The following KCNMB2 variants were observed in gnomAD, a reference collection of about 807,000 sequenced individuals.
KCNMB2 encodes potassium calcium-activated channel subfamily M regulatory beta subunit 2.
A neutral mutation model predicts 24.5 loss-of-function variants in KCNMB2; 9 were observed. That is an observed-to-expected ratio of 0.37 (90% confidence interval 0.22 to 0.64). The LOEUF is 0.64. KCNMB2 is among the 30% of genes least tolerant of loss of function. The pLI is 0.63. For synonymous variants in KCNMB2, 109 were observed against 104.4 expected (o/e 1.04, Z -0.27); for missense variants, 226 against 284.3 (o/e 0.79, Z 1.47).
chr3:178,729,943 G>T (rs565252276), intron 1 of KCNMB2, among the ~76,000 whole-genome samples: 6 of 152,208 alleles, frequency 3.9e-5, no homozygotes, highest in South Asian at 2.1e-4. Context: ...GTTGACAAAA[G>T]GCTCTCTTCA....
chr3:178,815,780 CATT>C (rs1229237565), intron 2 of KCNMB2, among the ~76,000 whole-genome samples: 2 of 151,880 alleles, frequency 1.3e-5, no homozygotes, highest in Admixed American at 1.3e-4. Flanking sequence ...ACATTTATTA[CATT>C]ATTATATGAT....
In KCNMB2 at chr3:178,632,838, A is replaced by G. The variant is rs146113859; in HGVS notation, c.-68+96127A>G. Among the ~76,000 whole-genome samples the G allele has an allele frequency of 3.9e-5, 6 of 152,324 alleles. No individual in the cohort carries two copies. In the East Asian group the frequency reaches 9.6e-4, roughly 24 times the overall value. On this transcript the variant is annotated intron_variant, in intron 1 of 4. Transcript: ENST00000452583. ...GAGACAAGGCAAGTCCCTTCTGCCT[A>G]TGAGCCTGTAAAATCAAAAGCAAGT...
intron 1 of KCNMB2, among the ~76,000 whole-genome samples, chr3:178,792,468 C>G (rs143459761): frequency 6.6e-6 from 1 of 151,950 alleles, no homozygotes; most frequent in Non-Finnish European, 1.5e-5. Context: ...AAAAAAATTA[C>G]CTTCACAAAA....
chr3:178,694,674 G>T (rs1028308593), intron 1 of KCNMB2, among the ~76,000 whole-genome samples: 1 of 152,230 alleles, frequency 6.6e-6, no homozygotes. Flanking sequence ...TAACCTTAAA[G>T]TTCCAAAATG....
intron 2 of KCNMB2, among the ~76,000 whole-genome samples, chr3:178,823,754 C>T (rs1209298508): frequency 6.6e-6 from 1 of 152,282 alleles, no homozygotes; most frequent in East Asian, 1.9e-4. Context: ...TGAATAAACA[C>T]ACAACTGCGC....
At chr3:178,748,826 A>G (rs1391965110) in intron 1 of KCNMB2, among the ~76,000 whole-genome samples, 1 of 152,208 alleles carries the variant, frequency 6.6e-6, no homozygotes, top group Admixed American at 6.5e-5. Context: ...TTGGTGACCT[A>G]TGTCCACTAT....
At chr3:178,731,625 CG>C (rs1336381199) in intron 1 of KCNMB2, among the ~76,000 whole-genome samples, 1 of 152,114 alleles carries the variant, frequency 6.6e-6, no homozygotes, top group Non-Finnish European at 1.5e-5. Flanking sequence ...AAAACCTAGC[CG>C]GGCACAGTGG....
rs1330410478 is a variant in KCNMB2 at position 178,758,162 on chromosome 3, G to T, written c.-67-49181G>T. Reference sequence around the variant, plus strand: ...AGGATATATATATATATATATCCAAGAGGATATATATATATATATCCAAGG... The same window carrying T: ...AGGATATATATATATATATATCCAATAGGATATATATATATATATCCAAGG... On this transcript the variant is annotated intron_variant, in intron 1 of 4. Transcript: ENST00000452583. 9.3e-4 allele frequency among the ~76,000 whole-genome samples: 45 copies of T among 48,402 alleles called. 3 individuals carry two copies. Among genetic ancestry groups the T allele is most frequent in the African/African-American group, 3.4e-3 (43 of 12,478 alleles). 31.8% of individuals were successfully genotyped at this position (48,402 alleles called of 152,430 possible).
At chr3:178,620,669 G>A (rs1053558958) in intron 1 of KCNMB2, among the ~76,000 whole-genome samples, 2 of 152,088 alleles carry the variant, frequency 1.3e-5, no homozygotes, top group African/African-American at 2.4e-5. Context: ...CATTTTACAC[G>A]TTAGGATTTC....
At chr3:178,614,293 ATATGTATG>A (rs1206572047) in intron 1 of KCNMB2, among the ~76,000 whole-genome samples, 10 of 85,936 alleles carry the variant, frequency 1.2e-4, no homozygotes, top group Non-Finnish European at 1.9e-4. Flanking sequence ...ATATATATAT[ATATGTATG>A]TATATATATG....
intron 1 of KCNMB2, among the ~76,000 whole-genome samples, chr3:178,730,404 C>CA (rs1723107523): frequency 1.1e-5 from 1 of 92,716 alleles, no homozygotes; most frequent in Non-Finnish European, 2.2e-5. Flanking sequence ...TGTCCCCCAA[C>CA]ACCCCCCCAC....
At chr3:178,802,807 A>C (rs1392952879) in intron 1 of KCNMB2, among the ~76,000 whole-genome samples, 1 of 152,014 alleles carries the variant, frequency 6.6e-6, no homozygotes, top group Non-Finnish European at 1.5e-5. Context: ...GCTAATGAGA[A>C]AGTACTTCAG....
At chr3:178,778,483 CA>C in intron 1 of KCNMB2, among the ~76,000 whole-genome samples, 1 of 110,582 alleles carries the variant, frequency 9.0e-6, no homozygotes, top group African/African-American at 3.8e-5. Context: ...CACACACACA[CA>C]CACACACACA....
chr3:178,570,881 T>G (rs957262626), intron 1 of KCNMB2, among the ~76,000 whole-genome samples: 2 of 152,188 alleles, frequency 1.3e-5, no homozygotes, highest in African/African-American at 4.8e-5. Context: ...CACCAAAGTT[T>G]TATCTGTTTT....
chr3:178,674,635 C>T (rs1721013330), intron 1 of KCNMB2, among the ~76,000 whole-genome samples: 2 of 152,122 alleles, frequency 1.3e-5, no homozygotes, highest in Non-Finnish European at 2.9e-5. Context: ...CCCTAGCAAC[C>T]CCATCATGGT....
intron 1 of KCNMB2, among the ~76,000 whole-genome samples, chr3:178,755,336 T>C (rs1723994447): frequency 6.6e-6 from 1 of 152,224 alleles, no homozygotes; most frequent in Non-Finnish European, 1.5e-5. Flanking sequence ...TTATTTTCAA[T>C]TACACACCAC....
intron 1 of KCNMB2, among the ~76,000 whole-genome samples, chr3:178,743,586 T>C (rs1559998457): frequency 6.6e-6 from 1 of 152,238 alleles, no homozygotes; most frequent in Non-Finnish European, 1.5e-5. Flanking sequence ...CTGGTTACTG[T>C]AATTCCCTAA....
chr3:178,541,435 T>C (rs546965771), intron 1 of KCNMB2, among the ~76,000 whole-genome samples: 50 of 152,310 alleles, frequency 3.3e-4, no homozygotes, highest in Non-Finnish European at 7.4e-5. Context: ...CAAGCCCCAG[T>C]AGCCTGTGCA....
At chr3:178,834,319 T>C (rs1367561699) in intron 4 of KCNMB2, among the ~76,000 whole-genome samples, 1 of 152,238 alleles carries the variant, frequency 6.6e-6, no homozygotes, top group Non-Finnish European at 1.5e-5. Flanking sequence ...ACTAATTATG[T>C]CTGAATTAAA....
Sources: allele counts gnomAD v4.1 joint callset (sites outside exome capture counted in the v4.1 genomes callset), GRCh38; gene constraint gnomAD v4.1.1; transcripts MANE v1.5; gene names NCBI Gene and HGNC (gene_info 2026-07-23, HGNC 2026-07-21).